The following NDN variants were observed in gnomAD, a reference collection of about 807,000 sequenced individuals.
NDN encodes necdin.
For missense variants in NDN, 465 were observed against 440.4 expected (o/e 1.06, Z -0.50); for synonymous variants, 245 against 189.4 (o/e 1.29, Z -2.41).
chr15:23,686,794 G>A lies in NDN; in HGVS notation c.424C>T (p.Arg142Cys). The change falls in exon 1 of 1, where the codon CGC becomes TGC. Residue 142 changes from arginine (R) to cysteine (C), a missense_variant. By Grantham distance (180) the Arg-to-Cys change is radical. Transcript: ENST00000649030. ...YKKWCRSILR[R>C]TSLILARVFG... ...ACCCGGGCGAGGATGAGGCTGGTGCGCCGGAGGATGCTCCTGCACCACTTC... is the reference window on the plus strand; with the variant it reads ...ACCCGGGCGAGGATGAGGCTGGTGCACCGGAGGATGCTCCTGCACCACTTC... 6.2e-7 allele frequency: 1 copy of A among 1,613,912 alleles called. No homozygotes were observed. The highest frequency in any genetic ancestry group is 2.2e-5 in the East Asian group (1 of 44,862).
Position 23,686,352 on chromosome 15 carries a change from G to T in NDN, c.866C>A (p.Ala289Asp). Residue 289 changes from alanine (A) to aspartate (D), a missense_variant, in exon 1 of 1, where the codon GCC becomes GAC. Transcript: ENST00000649030. ...LARVFKKDPQ[A>D]WPSRYREALE... ...AGCTTCTCTGTATCGGGAGGGCCAG[G>T]CCTGGGGGTCTTTCTTAAAGACCCT... is the stretch of plus-strand genomic sequence containing the variant. 1 of 1,593,000 alleles carries T rather than the reference G, an allele frequency of 6.3e-7. No homozygotes were observed. The highest frequency in any genetic ancestry group is 8.6e-7 in the Non-Finnish European group (1 of 1,169,286).
chr15:23,685,521 G>C lies in NDN; in HGVS notation c.*731C>G, dbSNP rs182586152. 1 of 152,184 alleles carries C rather than the reference G, an allele frequency of 6.6e-6. No individual in the cohort carries two copies. The highest frequency in any genetic ancestry group is 6.5e-5 in the Admixed American group (1 of 15,292). The allele number at this position is 152,184 out of a possible 1,614,324, so 9.4% of individuals were successfully genotyped here. On this transcript the variant is annotated 3_prime_UTR_variant, in exon 1 of 1. Coordinates refer to ENST00000649030, the MANE Select transcript of NDN (RefSeq NM_002487.3). ...ACATGAGTTACATTTAAAGACAATA[G>C]AACTATAAACTTCACAAATTTAGGA...
rs1891164679 is a variant in NDN at position 23,687,121 on chromosome 15, G to A, written c.97C>T (p.Pro33Ser). 6 of 1,582,092 alleles carry A rather than the reference G, an allele frequency of 3.8e-6. No homozygotes were observed. Among genetic ancestry groups the A allele is most frequent in the African/African-American group, 2.8e-5 (2 of 72,290 alleles). ...GGCTCTGCCAGGGTCGCGGACGGAGGAACCCCCTCCGAAACCCCAGGGCTG... is the reference window on the plus strand; with the variant it reads ...GGCTCTGCCAGGGTCGCGGACGGAGAAACCCCCTCCGAAACCCCAGGGCTG... ...HSSPGVSEGVPPSATLAEPQS... is the reference protein window; with the variant it reads ...HSSPGVSEGVSPSATLAEPQS... Residue 33 changes from proline (P) to serine (S), a missense_variant, in exon 1 of 1, where the codon CCT becomes TCT. Pro to Ser is a moderately conservative substitution (Grantham distance 74, BLOSUM62 -1). Coordinates refer to ENST00000649030, the MANE Select transcript of NDN (RefSeq NM_002487.3).
chr15:23,686,141 A>G lies in NDN; in HGVS notation c.*111T>C. On this transcript the variant is annotated 3_prime_UTR_variant, in exon 1 of 1. Coordinates refer to ENST00000649030, the MANE Select transcript of NDN (RefSeq NM_002487.3). ...ATAAAAGCACTGTACTGAAAACTTA[A>G]AAGTTACACGTGAATACTGCACTGT... 2 of 1,342,012 alleles carry G rather than the reference A, an allele frequency of 1.5e-6. No individual in the cohort carries two copies. The highest frequency in any genetic ancestry group is 1.5e-5 in the African/African-American group (1 of 68,612). The allele number at this position is 1,342,012 out of a possible 1,614,324, so 83.1% of individuals were successfully genotyped here.
chr15:23,686,773 G>A lies in NDN; in HGVS notation c.445C>T (p.Arg149Trp), dbSNP rs1457193891. The A allele has an allele frequency of 1.2e-6, 2 of 1,614,024 alleles. No homozygotes were observed. Among genetic ancestry groups the A allele is most frequent in the Non-Finnish European group, 1.7e-6 (2 of 1,180,008 alleles). Residue 149 changes from arginine (R) to tryptophan (W), a missense_variant, in exon 1 of 1, where the codon CGG becomes TGG. Physicochemically the swap from Arg to Trp is moderately radical, Grantham distance 101. Transcript: ENST00000649030. The stretch of plus-strand genomic sequence containing the variant: ...AGCCTCAGGTGCAGCCCGAACACCC[G>A]GGCGAGGATGAGGCTGGTGCGCCGG... ...ILRRTSLILA[R>W]VFGLHLRLTS...
At position 23,686,821 on chromosome 15, in the gene NDN, T is replaced by C. The variant is rs1273454337; in HGVS notation, c.397A>G (p.Lys133Glu). The change falls in exon 1 of 1, where the codon AAG (lysine) becomes GAG (glutamate). Residue 133 changes from lysine (K) to glutamate (E), a missense_variant. Physicochemically the swap from Lys to Glu is moderately conservative, Grantham distance 56. Coordinates refer to ENST00000649030, the MANE Select transcript of NDN (RefSeq NM_002487.3). ...CGGAGGATGCTCCTGCACCACTTCT[T>C]GTAGCTGCCGATGACATCTTTCACC... Reference protein sequence around the residue: ...DMVKDVIGSYKKWCRSILRRT... With the variant: ...DMVKDVIGSYEKWCRSILRRT... 6.2e-7 allele frequency: 1 copy of C among 1,613,946 alleles called. No homozygotes were observed. Among genetic ancestry groups the C allele is most frequent in the African/African-American group, 1.3e-5 (1 of 74,942 alleles).
chr15:23,686,065 C>T lies in NDN; in HGVS notation c.*187G>A. ...TACATATAAACAAACATGCATACAT[C>T]CTAAATACTACACAATAGTACCCAA... On this transcript the variant is annotated 3_prime_UTR_variant, in exon 1 of 1. Coordinates refer to ENST00000649030, the MANE Select transcript of NDN (RefSeq NM_002487.3). The T allele has an allele frequency of 1.6e-6, 1 of 617,296 alleles. No individual in the cohort carries two copies. Among genetic ancestry groups the T allele is most frequent in the Non-Finnish European group, 2.4e-6 (1 of 415,020 alleles). The allele number at this position is 617,296 out of a possible 1,614,324, so 38.2% of individuals were successfully genotyped here.
Position 23,687,285 on chromosome 15 carries a change from G to T in NDN, c.-68C>A, listed in dbSNP as rs1470796642. 6.0e-6 allele frequency: 8 copies of T among 1,335,580 alleles called. No individual in the cohort carries two copies. The East Asian group carries it at 2.3e-4, about 38-fold the overall frequency. The allele number at this position is 1,335,580 out of a possible 1,614,324, so 82.7% of individuals were successfully genotyped here. A position where few individuals can be genotyped will look rare whatever the true frequency, so the allele number is the denominator to read the frequency against. ...CTCTTCGAGCCTGCGCTCCCTCCGC[G>T]GATTCCTGGAGAGGAAGTGCGCGTT... On this transcript the variant is annotated 5_prime_UTR_variant, in exon 1 of 1. Coordinates refer to ENST00000649030, the MANE Select transcript of NDN (RefSeq NM_002487.3).
Position 23,687,056 on chromosome 15 carries a change from G to C in NDN, c.162C>G (p.Ala54=). The C allele has an allele frequency of 6.5e-7, 1 of 1,537,288 alleles. No homozygotes were observed. Among genetic ancestry groups the C allele is most frequent in the Non-Finnish European group, 8.7e-7 (1 of 1,145,028 alleles). ...PPLGPTAAPQ[A]APPPQAPNDE... is the part of the protein sequence containing the mutation. ...CGTTCGGGGCCTGGGGAGGCGGCGC[G>C]GCCTGCGGAGCGGCCGTCGGGCCTA... Residue 54 remains alanine (A), a synonymous_variant, in exon 1 of 1, where the codon GCC becomes GCG. Coordinates refer to ENST00000649030, the MANE Select transcript of NDN (RefSeq NM_002487.3).
Position 23,687,301 on chromosome 15 carries a change from A to T in NDN, c.-84T>A. 7.6e-7 allele frequency: 1 copy of T among 1,312,088 alleles called. No homozygotes were observed. The highest frequency in any genetic ancestry group is 9.8e-7 in the Non-Finnish European group (1 of 1,023,182). 81.3% of individuals were successfully genotyped at this position (1,312,088 alleles called of 1,614,324 possible). A position where few individuals can be genotyped will look rare whatever the true frequency, so the allele number is the denominator to read the frequency against. Reference sequence around the variant, plus strand: ...TCCCTCCGCGGATTCCTGGAGAGGAAGTGCGCGTTGCTGCGCGCGGCGCCT... The same window carrying T: ...TCCCTCCGCGGATTCCTGGAGAGGATGTGCGCGTTGCTGCGCGCGGCGCCT... On this transcript the variant is annotated 5_prime_UTR_variant, in exon 1 of 1. Transcript: ENST00000649030.
rs779145833 is a variant in NDN, at chr15:23,686,996, C to A, written c.222G>T (p.Ala74=). Residue 74 remains alanine (A), a synonymous_variant, in exon 1 of 1, where the codon GCG becomes GCT. Coordinates refer to ENST00000649030, the MANE Select transcript of NDN (RefSeq NM_002487.3). ...EGDPKALQQA[A]EEGRAHQAPS... ...GGGCCTGGTGGGCGCGGCCCTCCTC[C>A]GCAGCCTGCTGCAGGGCCTTCGGGT... is the stretch of plus-strand genomic sequence containing the variant. The A allele has an allele frequency of 8.8e-6, 13 of 1,469,482 alleles. No homozygotes were observed. In the Admixed American group the frequency reaches 3.8e-4, roughly 43 times the overall value. 91.0% of individuals were successfully genotyped at this position (1,469,482 alleles called of 1,614,324 possible).
Position 23,686,873 on chromosome 15 carries a change from C to T in NDN, c.345G>A (p.Lys115=), listed in dbSNP as rs774357880. 22 of 1,614,010 alleles carry T rather than the reference C, an allele frequency of 1.4e-5. No individual in the cohort carries two copies. Among genetic ancestry groups the T allele is most frequent in the Non-Finnish European group, 1.7e-5 (20 of 1,180,024 alleles). The part of the protein sequence containing the change: ...LMWYVLVKDQ[K]KMIIWFPDMV... The stretch of plus-strand genomic sequence containing the variant: ...TGTCTGGAAACCAGATGATCATCTT[C>T]TTCTGGTCCTTGACCAGCACGTACC... Residue 115 remains lysine (K), a synonymous_variant, in exon 1 of 1, where the codon AAG becomes AAA. Coordinates refer to ENST00000649030, the MANE Select transcript of NDN (RefSeq NM_002487.3).
In NDN at chr15:23,686,642, G is replaced by A. The variant is rs1891149202; in HGVS notation, c.576C>T (p.Leu192=). 1.2e-6 allele frequency: 2 copies of A among 1,613,518 alleles called. No homozygotes were observed. The highest frequency in any genetic ancestry group is 2.2e-5 in the East Asian group (1 of 44,844). The change falls in exon 1 of 1, where the codon CTC becomes CTT. Residue 192 remains leucine, a synonymous_variant. Transcript: ENST00000649030. The stretch of plus-strand genomic sequence containing the variant: ...TCACGTAGATGAGGCTCAGGATCAT[G>A]AGCAGGAGGCCTGTCATGGGCATGC... The part of the protein sequence containing the change: ...SNRMPMTGLL[L]MILSLIYVKG...
rs1311990237 is a variant in NDN at position 23,686,131 on chromosome 15, T to C, written c.*121A>G. The stretch of plus-strand genomic sequence containing the variant: ...CATTAAAGGTATAAAAGCACTGTAC[T>C]GAAAACTTAAAAGTTACACGTGAAT... On this transcript the variant is annotated 3_prime_UTR_variant, in exon 1 of 1. Coordinates refer to ENST00000649030, the MANE Select transcript of NDN (RefSeq NM_002487.3). The C allele has an allele frequency of 1.6e-6, 2 of 1,265,720 alleles. No individual in the cohort carries two copies. The highest frequency in any genetic ancestry group is 2.1e-5 in the South Asian group (1 of 48,486). 78.4% of individuals were successfully genotyped at this position (1,265,720 alleles called of 1,614,324 possible).
chr15:23,687,072 G>A lies in NDN; in HGVS notation c.146C>T (p.Thr49Met), dbSNP rs761382105. Residue 49 changes from threonine to methionine, a missense_variant, in exon 1 of 1, where the codon ACG becomes ATG. Thr to Met is a moderately conservative substitution (Grantham distance 81, BLOSUM62 -1). Coordinates refer to ENST00000649030, the MANE Select transcript of NDN (RefSeq NM_002487.3). Reference sequence around the variant, plus strand: ...AGGCGGCGCGGCCTGCGGAGCGGCCGTCGGGCCTAGAGGAGGGCTCTGCGG... The same window carrying A: ...AGGCGGCGCGGCCTGCGGAGCGGCCATCGGGCCTAGAGGAGGGCTCTGCGG... ...AEPQSPPLGP[T>M]AAPQAAPPPQ... 69 of 1,556,826 alleles carry A rather than the reference G, an allele frequency of 4.4e-5. No homozygotes were observed. The highest frequency in any genetic ancestry group is 5.5e-5 in the Non-Finnish European group (64 of 1,155,166).
chr15:23,686,726 C>A lies in NDN; in HGVS notation c.492G>T (p.Glu164Asp). 2 of 1,614,048 alleles carry A rather than the reference C, an allele frequency of 1.2e-6. No individual in the cohort carries two copies. Among genetic ancestry groups the A allele is most frequent in the East Asian group, 4.5e-5 (2 of 44,862 alleles). ...HLRLTSLHTM[E>D]FALVKALEPE... ...GCTCCAGCGCTTTGACCAGCGCAAA[C>A]TCCATGGTGTGCAGGCTGGTTAGCC... is the stretch of plus-strand genomic sequence containing the variant. Residue 164 changes from glutamate (E) to aspartate (D), a missense_variant, in exon 1 of 1, where the codon GAG (glutamate) becomes GAT (aspartate). Glu to Asp is a conservative substitution (Grantham distance 45). Transcript: ENST00000649030.
In NDN at chr15:23,686,988, C is replaced by A; in HGVS notation, c.230G>T (p.Gly77Val). The A allele has an allele frequency of 6.8e-7, 1 of 1,477,262 alleles. No homozygotes were observed. The highest frequency in any genetic ancestry group is 8.9e-7 in the Non-Finnish European group (1 of 1,121,794). 91.5% of individuals were successfully genotyped at this position (1,477,262 alleles called of 1,614,324 possible). Reference protein sequence around the residue: ...PKALQQAAEEGRAHQAPSAAQ... With the variant: ...PKALQQAAEEVRAHQAPSAAQ... ...CGCGCTCGGGGCCTGGTGGGCGCGG[C>A]CCTCCTCCGCAGCCTGCTGCAGGGC... is the stretch of plus-strand genomic sequence containing the variant. Residue 77 changes from glycine (G) to valine (V), a missense_variant, in exon 1 of 1, where the codon GGC (glycine) becomes GTC (valine). Physicochemically the swap from Gly to Val is moderately radical, Grantham distance 109. Coordinates refer to ENST00000649030, the MANE Select transcript of NDN (RefSeq NM_002487.3).
In NDN at chr15:23,686,160, G is replaced by A; in HGVS notation, c.*92C>T. ...AACTTAAAAGTTACACGTGAATACT[G>A]CACTGTAAATCCTGAATACTATAAT... On this transcript the variant is annotated 3_prime_UTR_variant, in exon 1 of 1. Transcript: ENST00000649030. 1.4e-6 allele frequency: 2 copies of A among 1,425,316 alleles called. No homozygotes were observed. Among genetic ancestry groups the A allele is most frequent in the Non-Finnish European group, 9.3e-7 (1 of 1,074,140 alleles). The allele number at this position is 1,425,316 out of a possible 1,614,324, so 88.3% of individuals were successfully genotyped here.
At position 23,686,150 on chromosome 15, in the gene NDN, C is replaced by A; in HGVS notation, c.*102G>T. On this transcript the variant is annotated 3_prime_UTR_variant, in exon 1 of 1. Transcript: ENST00000649030. ...CTGTACTGAAAACTTAAAAGTTACA[C>A]GTGAATACTGCACTGTAAATCCTGA... The A allele has an allele frequency of 2.9e-6, 4 of 1,383,354 alleles. No individual in the cohort carries two copies. Among genetic ancestry groups the A allele is most frequent in the Non-Finnish European group, 3.8e-6 (4 of 1,044,478 alleles). 85.7% of individuals were successfully genotyped at this position (1,383,354 alleles called of 1,614,324 possible). A position where few individuals can be genotyped will look rare whatever the true frequency, so the allele number is the denominator to read the frequency against.
Sources: allele counts gnomAD v4.1 joint callset, GRCh38; gene constraint gnomAD v4.1.1; transcripts MANE v1.5; gene names NCBI Gene and HGNC (gene_info 2026-07-23, HGNC 2026-07-21).